Variants in UNC80 observed in about 807,000 individuals in gnomAD.
The protein encoded by UNC80 is unc-80 subunit of NALCN channel complex, also known as protein unc-80 homolog.
In UNC80, 164 loss-of-function variants were observed where a neutral mutation model predicts 384.6. That is an observed-to-expected ratio of 0.43 (90% confidence interval 0.38 to 0.49). The LOEUF (loss-of-function observed/expected upper bound fraction) is 0.49. Among genes scored for constraint, UNC80 ranks in the 20% least tolerant of loss-of-function variants. UNC80 has a pLI of 0.00. For synonymous variants in UNC80, 1,486 were observed against 1,527.8 expected (o/e 0.97, Z 0.64); for missense variants, 3,330 against 4,143.0 (o/e 0.80, Z 5.39).
intron 47 of UNC80, among the ~76,000 whole-genome samples, chr2:209,948,057 CTA>C (rs1477196168): frequency 6.6e-6 from 1 of 151,914 alleles, no homozygotes; most frequent in African/African-American, 2.4e-5. Flanking sequence ...AATTGTATGA[CTA>C]TGTTACAATT....
At chr2:209,978,111 G>A (rs957828558) in intron 58 of UNC80, among the ~76,000 whole-genome samples, 8 of 152,104 alleles carry the variant, frequency 5.3e-5, no homozygotes, top group Non-Finnish European at 8.8e-5. Context: ...TATGCATCGC[G>A]GGGTTCACAT....
intron 11 of UNC80, among the ~76,000 whole-genome samples, chr2:209,818,161 C>G (rs115050912): frequency 0.012 from 1,823 of 152,284 alleles, 40 homozygotes; most frequent in African/African-American, 0.04. Flanking sequence ...ATACCTCTCA[C>G]AGGGAGAGCA....
chr2:209,978,744 G>A (rs757265328), intron 59 of UNC80, 36 bp downstream of exon 59: 2 of 1,469,004 alleles, frequency 1.4e-6, no homozygotes, highest in South Asian at 2.7e-5. Context: ...AGTAGACATG[G>A]CCTGGCCATA....
chr2:209,832,240 C>T (rs528971525), intron 16 of UNC80, among the ~76,000 whole-genome samples: 29 of 152,150 alleles, frequency 1.9e-4, no homozygotes, highest in African/African-American at 6.0e-4. Context: ...ACTAAAATCT[C>T]ACAAATTACC....
intron 61 of UNC80, among the ~76,000 whole-genome samples, chr2:209,987,012 C>T (rs2093303724): frequency 6.6e-6 from 1 of 152,164 alleles, no homozygotes; most frequent in African/African-American, 2.4e-5. Flanking sequence ...TTAACATACA[C>T]TCCAACACTG....
At chr2:209,821,322 T>C (rs2080120002) in intron 13 of UNC80, among the ~76,000 whole-genome samples, 1 of 152,160 alleles carries the variant, frequency 6.6e-6, no homozygotes. Context: ...ATGACCTCAC[T>C]TAACCCTAAT....
chr2:209,960,910 A>T (rs1416425437), intron 51 of UNC80: 3 of 152,258 alleles, frequency 2.0e-5, no homozygotes, highest in Non-Finnish European at 2.9e-5. Flanking sequence ...TTAGGAATCT[A>T]TTCAGCCCCT....
chr2:209,801,705 T>TG (rs2078568847), intron 7 of UNC80, among the ~76,000 whole-genome samples: 1 of 150,476 alleles, frequency 6.6e-6, no homozygotes, highest in Non-Finnish European at 1.5e-5. Flanking sequence ...TTTTTTTTTT[T>TG]TGCTTTTTAT....
intron 25 of UNC80, among the ~76,000 whole-genome samples, chr2:209,883,863 CA>C (rs1478912201): frequency 6.6e-6 from 1 of 152,146 alleles, no homozygotes; most frequent in Non-Finnish European, 1.5e-5. Context: ...TCCATGTTGT[CA>C]CATATGTCAG....
intron 64 of UNC80, among the ~76,000 whole-genome samples, chr2:209,994,538 C>T (rs2093450685): frequency 6.6e-6 from 1 of 152,132 alleles, no homozygotes; most frequent in African/African-American, 2.4e-5. Context: ...CTCTTTAAAA[C>T]AGGTTTATAC....
intron 45 of UNC80, among the ~76,000 whole-genome samples, chr2:209,943,977 T>C (rs1157821404): frequency 1.3e-5 from 2 of 152,150 alleles, no homozygotes; most frequent in African/African-American, 4.8e-5. Flanking sequence ...AGACAATGGG[T>C]TGGTTTCCTG....
intron 13 of UNC80, among the ~76,000 whole-genome samples, chr2:209,820,927 C>T (rs990962488): frequency 6.6e-6 from 1 of 152,186 alleles, no homozygotes; most frequent in African/African-American, 2.4e-5. Flanking sequence ...GTCGTTATTT[C>T]TGCAAGAGAA....
intron 7 of UNC80, chr2:209,809,327 C>T: frequency 1.3e-6 from 1 of 785,226 alleles, no homozygotes; most frequent in Non-Finnish European, 2.3e-6. Context: ...CTGCCCTTCG[C>T]CTGCGAAACC....
intron 30 of UNC80, 138 bp downstream of exon 30, chr2:209,912,805 G>T: frequency 1.7e-6 from 1 of 596,256 alleles, no homozygotes. Context: ...TGGTGAGCAA[G>T]AGTGCCACCA....
chr2:209,845,267 C>T (rs2082094109), intron 21 of UNC80: 1 of 152,038 alleles, frequency 6.6e-6, no homozygotes, highest in Admixed American at 6.6e-5. Context: ...TTTAAGTCAC[C>T]CAGTCTATGG....
chr2:209,833,490 A>G (rs2081140818), intron 16 of UNC80, among the ~76,000 whole-genome samples: 1 of 152,208 alleles, frequency 6.6e-6, no homozygotes, highest in South Asian at 2.1e-4. Context: ...GTACTTTGCT[A>G]AATCTGTCCA....
chr2:209,969,775 G>C lies in UNC80; in HGVS notation c.8014G>C (p.Val2672Leu), dbSNP rs370951034. 1.6e-5 allele frequency: 25 copies of C among 1,551,558 alleles called. No homozygotes were observed. Among genetic ancestry groups the C allele is most frequent in the Non-Finnish European group, 2.0e-5 (23 of 1,146,966 alleles). ...GCCTATATTGTATTCCAGGCGACAG[G>C]TTGAGTGGGAGCCTGCCAGCAATTT... ...IHKMPTLRRQ[V>L]EWEPASNLIE... is the part of the protein sequence containing the mutation. Residue 2672 changes from valine to leucine, a missense_variant, in exon 53 of 65, where the codon GTT becomes CTT. Val to Leu is a conservative substitution (Grantham distance 32). Coordinates refer to ENST00000673920, the MANE Select transcript of UNC80 (RefSeq NM_001371986.1).
rs1022956488 is a variant in UNC80 at position 209,771,837 on chromosome 2, G to T, written c.-236G>T. On this transcript the variant is annotated 5_prime_UTR_variant, in exon 1 of 65. Coordinates refer to ENST00000673920, the MANE Select transcript of UNC80 (RefSeq NM_001371986.1). ...GGGCGGCGAGGCGGACCGCTGCTCC[G>T]AGCGCCCCCCTCCTCGCTCCGCGGC... Among the ~76,000 whole-genome samples the T allele has an allele frequency of 6.6e-6, 1 of 152,114 alleles. No homozygotes were observed. Among genetic ancestry groups the T allele is most frequent in the Non-Finnish European group, 1.5e-5 (1 of 68,014 alleles).
At chr2:209,939,703 T>C in intron 43 of UNC80, 51 bp downstream of exon 43, 2 of 1,446,300 alleles carry the variant, frequency 1.4e-6, no homozygotes, top group Admixed American at 5.5e-5. Flanking sequence ...AACACACTTG[T>C]TGTTTTTTTT....
Sources: allele counts gnomAD v4.1 joint callset (sites outside exome capture counted in the v4.1 genomes callset), GRCh38; gene constraint gnomAD v4.1.1; transcripts MANE v1.5; gene names NCBI Gene and HGNC (gene_info 2026-07-23, HGNC 2026-07-21).